Variants in IGF1R observed in about 807,000 individuals in gnomAD.
IGF1R encodes insulin-like growth factor 1 receptor.
A neutral mutation model predicts 144.6 loss-of-function variants in IGF1R; 44 were observed. The ratio of observed to expected loss-of-function variants is 0.30; its 90% CI spans 0.24 to 0.39. IGF1R has a LOEUF of 0.39. Among genes scored for constraint, IGF1R ranks in the 10% least tolerant of loss-of-function variants. The pLI, the probability that IGF1R is intolerant of heterozygous loss-of-function variation, is 1.00. For synonymous variants in IGF1R, 795 were observed against 722.8 expected, an observed-to-expected ratio of 1.10 and a Z score of -1.60; for missense variants, 1,355 against 1,833.7, an observed-to-expected ratio of 0.74 and a Z score of 4.77.
chr15:98,827,882 A>G (rs2056924418), intron 2 of IGF1R, among the ~76,000 whole-genome samples: 1 of 152,204 alleles, frequency 6.6e-6, no homozygotes, highest in South Asian at 2.1e-4. Context: ...CGCCCGGCCT[A>G]AGATTTCTTA....
intron 2 of IGF1R, among the ~76,000 whole-genome samples, chr15:98,752,932 ATTTTT>A (rs775327338): frequency 3.3e-4 from 23 of 70,122 alleles, no homozygotes; most frequent in Non-Finnish European, 5.6e-4. Context: ...AAATCATACT[ATTTTT>A]TTTTTTTTTT....
intron 2 of IGF1R, among the ~76,000 whole-genome samples, chr15:98,834,619 T>A (rs2057060992): frequency 6.6e-6 from 1 of 152,190 alleles, no homozygotes; most frequent in African/African-American, 2.4e-5. Flanking sequence ...AGCAAAGCAG[T>A]GACTGTGAGG....
chr15:98,866,382 C>T (rs1399930794), intron 2 of IGF1R, among the ~76,000 whole-genome samples: 1 of 152,208 alleles, frequency 6.6e-6, no homozygotes, highest in Non-Finnish European at 1.5e-5. Context: ...TTCTCATCAC[C>T]TTTATTAAAA....
intron 1 of IGF1R, among the ~76,000 whole-genome samples, chr15:98,663,544 A>C (rs983804077): frequency 6.6e-6 from 1 of 152,186 alleles, no homozygotes; most frequent in African/African-American, 2.4e-5. Flanking sequence ...ACGCCCTCCT[A>C]TTGTGTTCCT....
At chr15:98,956,444 G>A (rs557770784) in intron 20 of IGF1R, among the ~76,000 whole-genome samples, 3 of 152,258 alleles carry the variant, frequency 2.0e-5, no homozygotes, top group Non-Finnish European at 2.9e-5. Context: ...GGGCTGGAGC[G>A]AGCACGTGCT....
At chr15:98,738,230 C>T (rs531887629) in intron 2 of IGF1R, among the ~76,000 whole-genome samples, 1 of 152,318 alleles carries the variant, frequency 6.6e-6, no homozygotes, top group East Asian at 1.9e-4. Context: ...GAGATAGAGT[C>T]TCACTAGTTT....
At chr15:98,763,033 A>G (rs1334684140) in intron 2 of IGF1R, among the ~76,000 whole-genome samples, 6 of 124,668 alleles carry the variant, frequency 4.8e-5, no homozygotes, top group Non-Finnish European at 1.0e-4. Flanking sequence ...CGACAGAGCT[A>G]GGTTCCATCT....
intron 15 of IGF1R, among the ~76,000 whole-genome samples, 166 bp downstream of exon 15, chr15:98,930,471 C>G (rs1263427725): frequency 1.3e-5 from 2 of 151,164 alleles, no homozygotes; most frequent in African/African-American, 2.4e-5. Flanking sequence ...TTTTTTTAAT[C>G]AAAGTTTTTA....
chr15:98,804,102 T>A (rs2056421562), intron 2 of IGF1R, among the ~76,000 whole-genome samples: 1 of 152,252 alleles, frequency 6.6e-6, no homozygotes. Context: ...GCACTTCATC[T>A]TTGAAACGCT....
Position 98,829,288 on chromosome 15 carries a change from A to T in IGF1R, c.641-62037A>T, listed in dbSNP as rs1251604215. On this transcript the variant is annotated intron_variant, in intron 2 of 20. Transcript: ENST00000650285. ...TTTCGTGTTACACATGTCTGAGATG[A>T]CATGATGCTAAGTAACCAAAGTACT... 2.0e-5 allele frequency among the ~76,000 whole-genome samples: 3 copies of T among 152,082 alleles called. No individual in the cohort carries two copies. In the East Asian group the frequency reaches 5.8e-4, roughly 29 times the overall value.
intron 1 of IGF1R, among the ~76,000 whole-genome samples, chr15:98,705,079 C>T (rs893484291): frequency 2.0e-5 from 3 of 152,022 alleles, no homozygotes; most frequent in African/African-American, 7.3e-5. Context: ...AGAGTCTGGG[C>T]CAGTGACATG....
At chr15:98,851,712 TTG>T (rs1489874888) in intron 2 of IGF1R, among the ~76,000 whole-genome samples, 1 of 152,002 alleles carries the variant, frequency 6.6e-6, no homozygotes, top group East Asian at 1.9e-4. Context: ...GAGGAATGGG[TTG>T]TGAGTCAAGA....
intron 1 of IGF1R, among the ~76,000 whole-genome samples, chr15:98,661,041 C>T (rs1294328589): frequency 1.3e-5 from 2 of 152,156 alleles, no homozygotes; most frequent in Non-Finnish European, 2.9e-5. Flanking sequence ...GGTCATTTCA[C>T]AGGCCCTTCC....
rs547987542 is a variant in IGF1R, at chr15:98,693,572, C to T, written c.95-13990C>T. On this transcript the variant is annotated intron_variant, in intron 1 of 20. Transcript: ENST00000650285. ...TGCCTTTTGGGTCGTCTCCACCTCCCAGGGATGTTTTTGTTCCCTGATCGA... is the reference window on the plus strand; with the variant it reads ...TGCCTTTTGGGTCGTCTCCACCTCCTAGGGATGTTTTTGTTCCCTGATCGA... Among the ~76,000 whole-genome samples, 140 of 152,280 alleles carry T rather than the reference C, an allele frequency of 9.2e-4. 1 individual carries two copies. Among genetic ancestry groups the T allele is most frequent in the African/African-American group, 3.3e-3 (138 of 41,532 alleles).
At chr15:98,906,797 C>T (rs1016564967) in intron 5 of IGF1R, among the ~76,000 whole-genome samples, 1 of 152,224 alleles carries the variant, frequency 6.6e-6, no homozygotes, top group Non-Finnish European at 1.5e-5. Flanking sequence ...TTGGTGGTCA[C>T]TAATGTGTCC....
intron 2 of IGF1R, among the ~76,000 whole-genome samples, chr15:98,836,179 A>AT (rs71455099): frequency 0.064 from 9,527 of 148,162 alleles, 983 homozygotes; most frequent in African/African-American, 0.22. Context: ...AACTGAACTG[A>AT]TTTTTTTTTT....
At chr15:98,936,348 A>G (rs2016149050) in intron 17 of IGF1R, among the ~76,000 whole-genome samples, 2 of 152,204 alleles carry the variant, frequency 1.3e-5, no homozygotes, top group South Asian at 2.1e-4. Flanking sequence ...CCCCCTCTGT[A>G]GTATTAACCC....
chr15:98,671,250 C>A (rs569159060), intron 1 of IGF1R, among the ~76,000 whole-genome samples: 7 of 152,148 alleles, frequency 4.6e-5, no homozygotes, highest in Non-Finnish European at 1.0e-4. Flanking sequence ...TATAGTCTTT[C>A]CTGAAAACAA....
intron 2 of IGF1R, among the ~76,000 whole-genome samples, chr15:98,886,470 T>G (rs144165371): frequency 1.8e-3 from 278 of 152,282 alleles, no homozygotes; most frequent in Non-Finnish European, 2.4e-3. Flanking sequence ...AATAGAAGGA[T>G]CTCATGGGCA....
Sources: gnomAD v4.1 joint callset for allele counts (sites outside exome capture counted in the v4.1 genomes callset) on GRCh38, gnomAD v4.1.1 for gene constraint, MANE v1.5 for transcripts, NCBI Gene and HGNC (gene_info 2026-07-23, HGNC 2026-07-21) for gene names.